The following PLAC8 variants were observed in gnomAD, a reference collection of about 807,000 sequenced individuals.
The protein encoded by PLAC8 is placenta-specific gene 8 protein.
PLAC8 carries 6 observed loss-of-function variants against 12.6 expected under a neutral mutation model. The ratio of observed to expected loss-of-function variants is 0.48; its 90% confidence interval spans 0.26 to 0.94. The LOEUF is 0.94. Ranked by LOEUF, PLAC8 falls within the 40% of genes least tolerant of loss-of-function variation. The probability of loss-of-function intolerance (pLI) is 0.14; values close to 1 mark genes in which losing one functional copy is unlikely to be tolerated. For synonymous variants in PLAC8, 54 were observed against 52.6 expected, an observed-to-expected ratio of 1.03 and a Z score of -0.11; for missense variants, 122 against 152.7, an observed-to-expected ratio of 0.80 and a Z score of 1.06.
intron 2 of PLAC8, among the ~76,000 whole-genome samples, chr4:83,106,826 G>A (rs1312701932): frequency 1.3e-5 from 2 of 152,100 alleles, no homozygotes; most frequent in African/African-American, 4.8e-5. Context: ...TCGCTGCAAC[G>A]CCCATCACAC....
chr4:83,100,218 T>C (rs1176762748), intron 3 of PLAC8, among the ~76,000 whole-genome samples: 1 of 150,260 alleles, frequency 6.7e-6, no homozygotes, highest in Non-Finnish European at 1.5e-5. Flanking sequence ...GAGGTGGAGC[T>C]TGCAGTGAGC....
chr4:83,101,146 G>A (rs1732090510), intron 3 of PLAC8, among the ~76,000 whole-genome samples: 1 of 152,138 alleles, frequency 6.6e-6, no homozygotes, highest in Non-Finnish European at 1.5e-5. Flanking sequence ...TTGGGAGGCC[G>A]AGTTGGGCAG....
intron 3 of PLAC8, among the ~76,000 whole-genome samples, chr4:83,097,347 GA>G (rs1731964734): frequency 6.6e-6 from 1 of 152,086 alleles, no homozygotes; most frequent in African/African-American, 2.4e-5. Context: ...CAGAAAAATA[GA>G]AACTTTAACG....
intron 3 of PLAC8, among the ~76,000 whole-genome samples, chr4:83,095,601 G>T (rs1731905887): frequency 6.6e-6 from 1 of 152,186 alleles, no homozygotes; most frequent in Non-Finnish European, 1.5e-5. Flanking sequence ...GGGCACATGT[G>T]TGTAGTGCGG....
chr4:83,099,373 A>G (rs1420406804), intron 3 of PLAC8, among the ~76,000 whole-genome samples: 1 of 152,082 alleles, frequency 6.6e-6, no homozygotes, highest in Non-Finnish European at 1.5e-5. Flanking sequence ...ATTTTTTCCA[A>G]TAGCGTGTGC....
chr4:83,101,776 G>T (rs1367190533), intron 3 of PLAC8, among the ~76,000 whole-genome samples: 1 of 152,086 alleles, frequency 6.6e-6, no homozygotes, highest in Non-Finnish European at 1.5e-5. Flanking sequence ...CAAAATCCTA[G>T]AGCCCTTAAG....
chr4:83,105,218 C>T (rs557255901), intron 2 of PLAC8, among the ~76,000 whole-genome samples, 198 bp from the exon 3 acceptor site: 6 of 152,374 alleles, frequency 3.9e-5, no homozygotes, highest in African/African-American at 1.2e-4. Context: ...GGAATGACCA[C>T]GCCTTTGCAA....
chr4:83,110,061 A>C (rs1732370367), intron 1 of PLAC8, among the ~76,000 whole-genome samples: 1 of 151,944 alleles, frequency 6.6e-6, no homozygotes. Flanking sequence ...GCCCAGCCCC[A>C]GCGGCAGGCG....
intron 1 of PLAC8, among the ~76,000 whole-genome samples, chr4:83,108,156 A>AT: frequency 6.7e-6 from 1 of 149,258 alleles, no homozygotes; most frequent in South Asian, 2.1e-4. Flanking sequence ...TATATATATA[A>AT]AAGAAATCTC....
At chr4:83,108,828 C>G (rs1420754722) in intron 1 of PLAC8, among the ~76,000 whole-genome samples, 1 of 152,066 alleles carries the variant, frequency 6.6e-6, no homozygotes, top group African/African-American at 2.4e-5. Context: ...TGTGTATATC[C>G]CCCCTTCTTG....
At chr4:83,102,464 G>C (rs572004912) in intron 3 of PLAC8, among the ~76,000 whole-genome samples, 2 of 152,292 alleles carry the variant, frequency 1.3e-5, no homozygotes, top group Admixed American at 1.3e-4. Flanking sequence ...GCTTGAACCT[G>C]GGAGGGGAAG....
chr4:83,112,902 A>G (rs1732457124), intron 1 of PLAC8, among the ~76,000 whole-genome samples: 1 of 152,228 alleles, frequency 6.6e-6, no homozygotes, highest in African/African-American at 2.4e-5. Flanking sequence ...AACGTCCTTG[A>G]AAATCTAGAG....
intron 3 of PLAC8, among the ~76,000 whole-genome samples, chr4:83,099,886 C>A (rs1308278238): frequency 6.6e-6 from 1 of 151,312 alleles, no homozygotes; most frequent in African/African-American, 2.4e-5. Flanking sequence ...CACACCCGTA[C>A]TCCCAGCTAC....
intron 3 of PLAC8, among the ~76,000 whole-genome samples, chr4:83,098,815 C>T (rs1244696705): frequency 6.6e-6 from 1 of 151,300 alleles, no homozygotes; most frequent in African/African-American, 2.4e-5. Context: ...TTTGTGATAT[C>T]TGGTGTTTTA....
chr4:83,107,930 C>A lies in PLAC8; in HGVS notation c.-9G>T. On this transcript the variant is annotated 5_prime_UTR_variant, in exon 2 of 5. Transcript: ENST00000311507. ...GGCGCCTGAGCTTGCATTTTCAGTGCAGGGCCTTAAAAGCAGTGGACTGAA... is the reference window on the plus strand; with the variant it reads ...GGCGCCTGAGCTTGCATTTTCAGTGAAGGGCCTTAAAAGCAGTGGACTGAA... The A allele has an allele frequency of 6.8e-7, 1 of 1,471,076 alleles. No individual in the cohort carries two copies. Among genetic ancestry groups the A allele is most frequent in the East Asian group, 2.8e-5 (1 of 35,638 alleles). The allele number at this position is 1,471,076 out of a possible 1,614,324, so 91.1% of individuals were successfully genotyped here. A position where few individuals can be genotyped will look rare whatever the true frequency, so the allele number is the denominator to read the frequency against.
intron 3 of PLAC8, among the ~76,000 whole-genome samples, chr4:83,103,967 C>A (rs1216904328): frequency 6.6e-6 from 1 of 152,162 alleles, no homozygotes; most frequent in Non-Finnish European, 1.5e-5. Flanking sequence ...CACGCCCAGA[C>A]CATTGTTGCC....
rs796124625 is a variant in PLAC8, at chr4:83,104,533, A to T, written c.243+363T>A. On this transcript the variant is annotated intron_variant, in intron 3 of 4. Transcript: ENST00000311507. Reference sequence around the variant, plus strand: ...TTGAGGGAATTACTCCACCTCTTAAAACTTTAAAGTTCTCTTTGGCAAAAT... The same window carrying T: ...TTGAGGGAATTACTCCACCTCTTAATACTTTAAAGTTCTCTTTGGCAAAAT... Among the ~76,000 whole-genome samples, 4 of 152,194 alleles carry T rather than the reference A, an allele frequency of 2.6e-5. No homozygotes were observed. The South Asian group carries it at 8.3e-4, about 32-fold the overall frequency.
chr4:83,091,530 C>T (rs1462879420), intron 4 of PLAC8, among the ~76,000 whole-genome samples: 2 of 152,174 alleles, frequency 1.3e-5, no homozygotes, highest in African/African-American at 2.4e-5. Flanking sequence ...GACTTATTAC[C>T]AATGATGGTG....
intron 3 of PLAC8, among the ~76,000 whole-genome samples, chr4:83,097,465 G>A (rs569551445): frequency 6.6e-6 from 1 of 152,178 alleles, no homozygotes; most frequent in South Asian, 2.1e-4. Context: ...CCTAAATTAA[G>A]GTCAGATTTG....
Sources: allele counts gnomAD v4.1 joint callset (sites outside exome capture counted in the v4.1 genomes callset), GRCh38; gene constraint gnomAD v4.1.1; transcripts MANE v1.5; gene names NCBI Gene and HGNC (gene_info 2026-07-23, HGNC 2026-07-21).